ASCC3: variants seen among roughly 807,000 people sequenced by gnomAD.
ASCC3 encodes activating signal cointegrator 1 complex subunit 3, also known as ASC-1 complex subunit P200.
ASCC3 carries 158 observed loss-of-function variants against 256.3 expected under a neutral mutation model. The observed-to-expected ratio is 0.62, with a 90% CI of 0.54 to 0.70. The LOEUF is 0.70. ASCC3 is among the 30% of genes least tolerant of loss of function. The pLI, the probability that ASCC3 is intolerant of heterozygous loss-of-function variation, is 0.00. For synonymous variants in ASCC3, 948 were observed against 883.4 expected, an observed-to-expected ratio of 1.07 and a Z score of -1.30; for missense variants, 2,259 against 2,626.0, an observed-to-expected ratio of 0.86 and a Z score of 3.05.
At chr6:100,594,652 T>G (rs978061222) in intron 34 of ASCC3, among the ~76,000 whole-genome samples, 1 of 152,090 alleles carries the variant, frequency 6.6e-6, no homozygotes, top group African/African-American at 2.4e-5. Context: ...AAAATAGATC[T>G]AGCATATGAT....
chr6:100,612,043 A>G (rs928718121), intron 30 of ASCC3, among the ~76,000 whole-genome samples: 1 of 152,008 alleles, frequency 6.6e-6, no homozygotes, highest in Admixed American at 6.6e-5. Flanking sequence ...CGTAACAGAA[A>G]AACAGATCTA....
At chr6:100,682,682 C>A (rs1298670640) in intron 13 of ASCC3, among the ~76,000 whole-genome samples, 1 of 152,192 alleles carries the variant, frequency 6.6e-6, no homozygotes, top group Non-Finnish European at 1.5e-5. Flanking sequence ...TTTCAAAGCT[C>A]TAAATTCATA....
intron 36 of ASCC3, among the ~76,000 whole-genome samples, chr6:100,549,452 T>C (rs542293674): frequency 1.3e-5 from 2 of 152,134 alleles, no homozygotes; most frequent in East Asian, 3.9e-4. Context: ...GTGTGTCACC[T>C]TGGTTTTCTT....
At chr6:100,823,525 G>A (rs961809865) in intron 4 of ASCC3, among the ~76,000 whole-genome samples, 2 of 152,088 alleles carry the variant, frequency 1.3e-5, no homozygotes, top group African/African-American at 2.4e-5. Context: ...AGGTATGGAC[G>A]GGCAACATGC....
At chr6:100,723,189 A>G (rs1779428234) in intron 11 of ASCC3, among the ~76,000 whole-genome samples, 3 of 151,804 alleles carry the variant, frequency 2.0e-5, no homozygotes, top group South Asian at 4.1e-4. Context: ...CTACTGTAAA[A>G]TGTTCCTTCC....
At chr6:100,607,863 A>G (rs1772983244) in intron 30 of ASCC3, among the ~76,000 whole-genome samples, 1 of 150,900 alleles carries the variant, frequency 6.6e-6, no homozygotes, top group Non-Finnish European at 1.5e-5. Context: ...TCTTCGATCA[A>G]TAGTACAGCT....
intron 37 of ASCC3, among the ~76,000 whole-genome samples, chr6:100,521,772 G>C (rs72949504): frequency 0.05 from 7,543 of 152,314 alleles, 227 homozygotes; most frequent in African/African-American, 0.068. Context: ...CCTGATAGGG[G>C]CTAAGGCCAA....
chr6:100,587,944 A>G (rs1771791419), intron 36 of ASCC3, among the ~76,000 whole-genome samples: 1 of 152,184 alleles, frequency 6.6e-6, no homozygotes, highest in African/African-American at 2.4e-5. Flanking sequence ...TAGTAGGCAT[A>G]TGATTTTCAC....
chr6:100,631,118 A>C lies in ASCC3; in HGVS notation c.4208+10T>G. Reference sequence around the variant, plus strand: ...CAAAGCGTATCTTTTGAGTAAAAGTAAGAACTTACTTTTTACCAAGTTTTT... The same window carrying C: ...CAAAGCGTATCTTTTGAGTAAAAGTCAGAACTTACTTTTTACCAAGTTTTT... On this transcript the variant is annotated intron_variant, in intron 26 of 41. Transcript: ENST00000369162. 2 of 1,582,728 alleles carry C rather than the reference A, an allele frequency of 1.3e-6. No individual in the cohort carries two copies. The highest frequency in any genetic ancestry group is 1.7e-6 in the Non-Finnish European group (2 of 1,152,988).
rs375346655 is a variant in ASCC3 at position 100,627,818 on chromosome 6, A to G, written c.4521+24T>C. 3 of 1,613,148 alleles carry G rather than the reference A, an allele frequency of 1.9e-6. No individual in the cohort carries two copies. In the African/African-American group the frequency reaches 4.0e-5, roughly 22 times the overall value. On this transcript the variant is annotated intron_variant, in intron 28 of 41. Transcript: ENST00000369162. ...CAAAGTAACACTACTAAATAAATGC[A>G]TAATTTATCAATCTTCTACATACCT...
intron 36 of ASCC3, among the ~76,000 whole-genome samples, chr6:100,564,039 T>C (rs1410913195): frequency 6.6e-6 from 1 of 152,042 alleles, no homozygotes; most frequent in Non-Finnish European, 1.5e-5. Context: ...GCCCATCTTC[T>C]TTTTTTAATA....
chr6:100,767,775 ATT>A (rs71547412), intron 8 of ASCC3, among the ~76,000 whole-genome samples: 2 of 143,872 alleles, frequency 1.4e-5, no homozygotes. Flanking sequence ...TGCCCGGCTA[ATT>A]TTTTTTTTTT....
In ASCC3 at chr6:100,518,042, G is replaced by C; in HGVS notation, c.5876C>G (p.Ser1959Cys). ...MVIQGRWLKD[S>C]SLLTLPNIEN... The stretch of plus-strand genomic sequence containing the variant: ...TATGTTTGGTAGTGTAAGAAGAGAA[G>C]AGTCCTTTAACCACCGACCCTGGAT... Residue 1959 changes from serine (S) to cysteine (C), a missense_variant, in exon 38 of 42, where the codon TCT (serine) becomes TGT (cysteine). Physicochemically the swap from Ser to Cys is moderately radical, Grantham distance 112. Transcript: ENST00000369162. 7 of 1,613,592 alleles carry C rather than the reference G, an allele frequency of 4.3e-6. No homozygotes were observed. Among genetic ancestry groups the C allele is most frequent in the Non-Finnish European group, 5.9e-6 (7 of 1,179,648 alleles).
In ASCC3 at chr6:100,601,918, G is replaced by T; in HGVS notation, c.5195C>A (p.Ser1732Tyr). ...PVESSLLGVL[S>Y]DHLNAEIAGG... ...AGCAATCTCTGCATTTAAGTGGTCA[G>T]AGAGCACTCCTAATAAACTATATAG... The change falls in exon 34 of 42, where the codon TCT becomes TAT. Residue 1732 changes from serine to tyrosine, a missense_variant. By Grantham distance (144) the Ser-to-Tyr change is moderately radical (BLOSUM62 -2). This residue lies in a region of ASCC3 where 1,839 missense variants were observed against 2,206.7 expected (regional missense o/e 0.83). Coordinates refer to ENST00000369162, the MANE Select transcript of ASCC3 (RefSeq NM_006828.4). 6.2e-7 allele frequency: 1 copy of T among 1,612,386 alleles called. No individual in the cohort carries two copies. Among genetic ancestry groups the T allele is most frequent in the Non-Finnish European group, 8.5e-7 (1 of 1,178,836 alleles).
rs532982810 is a variant in ASCC3, at chr6:100,849,993, G to A, written c.242-1286C>T. On this transcript the variant is annotated intron_variant, in intron 3 of 41. Transcript: ENST00000369162. ...CACACACCTGTAATCCCAGCTACTC[G>A]AGAGGCTGAGGCAGGAGGACCGCTT... is the stretch of plus-strand genomic sequence containing the variant. 2.2e-3 allele frequency among the ~76,000 whole-genome samples: 327 copies of A among 151,002 alleles called. 2 individuals are homozygous for A. The highest frequency in any genetic ancestry group is 0.01 in the South Asian group (50 of 4,766).
intron 34 of ASCC3, among the ~76,000 whole-genome samples, chr6:100,592,780 A>G (rs1357264521): frequency 1.3e-5 from 2 of 152,110 alleles, no homozygotes; most frequent in African/African-American, 4.8e-5. Context: ...AAAGCATGCA[A>G]CAGCTAAGTA....
intron 25 of ASCC3, among the ~76,000 whole-genome samples, chr6:100,636,751 T>A (rs951281845): frequency 2.6e-5 from 4 of 152,198 alleles, no homozygotes; most frequent in African/African-American, 9.6e-5. Flanking sequence ...TTATTCCCGA[T>A]ACGGAGAAAG....
intron 13 of ASCC3, among the ~76,000 whole-genome samples, chr6:100,711,222 C>T (rs1418394337): frequency 6.6e-6 from 1 of 152,142 alleles, no homozygotes; most frequent in Non-Finnish European, 1.5e-5. Context: ...CTAGGGGCAA[C>T]ACAATAACAT....
intron 10 of ASCC3, among the ~76,000 whole-genome samples, chr6:100,738,525 T>C (rs372637671): frequency 2.6e-5 from 4 of 152,160 alleles, no homozygotes; most frequent in African/African-American, 9.7e-5. Flanking sequence ...CAGATGGTTG[T>C]AGGAGTGCAG....
Sources: allele counts gnomAD v4.1 joint callset (sites outside exome capture counted in the v4.1 genomes callset), GRCh38; gene constraint gnomAD v4.1.1; regional missense constraint gnomAD v4.1.1; transcripts MANE v1.5; gene names NCBI Gene and HGNC (gene_info 2026-07-23, HGNC 2026-07-21).